The following CNDP1 variants were observed in gnomAD, a reference collection of about 807,000 sequenced individuals.
CNDP1 encodes beta-Ala-His dipeptidase.
Under a neutral mutation model 58.1 loss-of-function variants are expected in CNDP1, and 44 were observed. That is an observed-to-expected ratio of 0.76 (90% CI 0.60 to 0.97). The LOEUF (loss-of-function observed/expected upper bound fraction) is 0.97, where lower values mean the gene tolerates loss of function less well. CNDP1 is among the 50% of genes least tolerant of loss of function. CNDP1 has a pLI of 0.00. For missense variants in CNDP1, 616 were observed against 655.1 expected, an observed-to-expected ratio of 0.94 and a Z score of 0.65; for synonymous variants, 254 against 252.6, an observed-to-expected ratio of 1.01 and a Z score of -0.05.
rs1981902012 is a variant in CNDP1, at chr18:74,585,941, C to A, written c.*1379C>A. 7.9e-6 allele frequency: 1 copy of A among 127,112 alleles called. No homozygotes were observed. Among genetic ancestry groups the A allele is most frequent in the African/African-American group, 3.0e-5 (1 of 32,934 alleles). 7.9% of individuals were successfully genotyped at this position (127,112 alleles called of 1,614,324 possible). A position where few individuals can be genotyped will look rare whatever the true frequency, so the allele number is the denominator to read the frequency against. ...CCCAGGAGGCGGAAGTTGCAGTGAACTGGGATCATGCCACTGCACTCCAGC... is the reference window on the plus strand; with the variant it reads ...CCCAGGAGGCGGAAGTTGCAGTGAAATGGGATCATGCCACTGCACTCCAGC... On this transcript the variant is annotated 3_prime_UTR_variant, in exon 12 of 12. Transcript: ENST00000358821.
intron 1 of CNDP1, among the ~76,000 whole-genome samples, chr18:74,549,613 A>G (rs1246534927): frequency 1.3e-5 from 2 of 152,190 alleles, no homozygotes; most frequent in Non-Finnish European, 2.9e-5. Flanking sequence ...CATTACCAGG[A>G]GAGGAATTTG....
At chr18:74,567,167 T>C in intron 5 of CNDP1, 66 bp from the exon 6 acceptor site, 2 of 1,274,834 alleles carry the variant, frequency 1.6e-6, no homozygotes, top group East Asian at 2.3e-5. Context: ...AAGTTGAGAT[T>C]TGGTGGGGAC....
At chr18:74,582,348 T>C (rs527475234) in intron 10 of CNDP1, among the ~76,000 whole-genome samples, 139 of 152,342 alleles carry the variant, frequency 9.1e-4, no homozygotes, top group African/African-American at 2.7e-3. Flanking sequence ...ACTCCATCAC[T>C]GGCAGCATGT....
At chr18:74,576,719 G>A (rs2144575415) in intron 7 of CNDP1, 150 bp from the exon 8 acceptor site, 1 of 550,154 alleles carries the variant, frequency 1.8e-6, no homozygotes, top group East Asian at 3.0e-5. Flanking sequence ...CTTCTTGGAT[G>A]GAGTTGCTGC....
intron 1 of CNDP1, among the ~76,000 whole-genome samples, chr18:74,550,817 G>A (rs1980886449): frequency 6.6e-6 from 1 of 151,640 alleles, no homozygotes; most frequent in South Asian, 2.1e-4. Flanking sequence ...AGCCAGGATG[G>A]TCTCGATCTC....
chr18:74,556,221 C>T, intron 1 of CNDP1, 117 bp from the exon 2 acceptor site: 1 of 1,127,734 alleles, frequency 8.9e-7, no homozygotes, highest in South Asian at 1.5e-5. Context: ...TTATTTTATT[C>T]CGACTGACTG....
intron 6 of CNDP1, among the ~76,000 whole-genome samples, chr18:74,568,037 C>T (rs1182757528): frequency 5.3e-5 from 8 of 152,210 alleles, no homozygotes; most frequent in South Asian, 2.1e-4. Flanking sequence ...TGAGGTTTGA[C>T]GCATAATCAG....
Position 74,577,326 on chromosome 18 carries a change from A to G in CNDP1, c.1002+297A>G, listed in dbSNP as rs148157220. On this transcript the variant is annotated intron_variant, in intron 8 of 11. Coordinates refer to ENST00000358821, the MANE Select transcript of CNDP1 (RefSeq NM_032649.6). ...TAACCTAAATCCCACGTCAGCCTTC[A>G]GCCAGTGAGCTGGACTTCTTACCTT... 249 of 219,090 alleles carry G rather than the reference A, an allele frequency of 1.1e-3. 1 individual carries two copies. The highest frequency in any genetic ancestry group is 5.5e-3 in the African/African-American group (240 of 43,988). The allele number at this position is 219,090 out of a possible 1,614,324, so 13.6% of individuals were successfully genotyped here.
chr18:74,563,209 C>CA (rs764144596), intron 5 of CNDP1, among the ~76,000 whole-genome samples: 3 of 152,158 alleles, frequency 2.0e-5, no homozygotes, highest in African/African-American at 4.8e-5. Context: ...TCCTGAGTCT[C>CA]ACAGAAGACA....
rs71168498 is a variant in CNDP1 at position 74,558,392 on chromosome 18, C to CTTTTTTTTTTTTTTT, written c.154-925_154-911dup. Among the ~76,000 whole-genome samples the CTTTTTTTTTTTTTTT allele has an allele frequency of 4.4e-4, 50 of 114,276 alleles. 2 individuals carry two copies. Among genetic ancestry groups the CTTTTTTTTTTTTTTT allele is most frequent in the Middle Eastern group, 5.0e-3 (1 of 200 alleles). The allele number at this position is 114,276 out of a possible 152,430, so 75.0% of individuals were successfully genotyped here. Reference sequence around the variant, plus strand: ...AGTTAGGGAGCATTACTTTCTTTTTCTTTTTTTTTTTTTTTTTTTTGAGAT... The same window carrying CTTTTTTTTTTTTTTT: ...AGTTAGGGAGCATTACTTTCTTTTTCTTTTTTTTTTTTTTTTTTTTTTTTTTTTTTTTTTTGAGAT... On this transcript the variant is annotated intron_variant, in intron 2 of 11. Coordinates refer to ENST00000358821, the MANE Select transcript of CNDP1 (RefSeq NM_032649.6).
At chr18:74,582,557 A>G (rs1981814690) in intron 10 of CNDP1, among the ~76,000 whole-genome samples, 1 of 152,228 alleles carries the variant, frequency 6.6e-6, no homozygotes. Flanking sequence ...CAATATAGGG[A>G]CATTGTCTTG....
At chr18:74,571,603 C>T (rs1050500864) in intron 7 of CNDP1, among the ~76,000 whole-genome samples, 4 of 152,128 alleles carry the variant, frequency 2.6e-5, no homozygotes, top group African/African-American at 9.7e-5. Flanking sequence ...CCTAGAATGC[C>T]GGGCCGGGTG....
At chr18:74,561,297 T>G (rs1029535665) in intron 4 of CNDP1, 3 of 278,370 alleles carry the variant, frequency 1.1e-5, no homozygotes, top group Non-Finnish European at 2.1e-5. Flanking sequence ...GCGCCTGTAA[T>G]CCCAGCTACT....
intron 10 of CNDP1, among the ~76,000 whole-genome samples, chr18:74,582,353 G>A (rs1311020300): frequency 6.6e-6 from 1 of 152,190 alleles, no homozygotes; most frequent in Non-Finnish European, 1.5e-5. Flanking sequence ...ATCACTGGCA[G>A]CATGTCCGGT....
intron 6 of CNDP1, among the ~76,000 whole-genome samples, chr18:74,568,964 G>T (rs1446314427): frequency 6.6e-6 from 1 of 152,098 alleles, no homozygotes; most frequent in South Asian, 2.1e-4. Context: ...GAGCACAGAG[G>T]GGCTGAGGTG....
intron 7 of CNDP1, among the ~76,000 whole-genome samples, chr18:74,571,845 G>A (rs1035634384): frequency 1.3e-5 from 2 of 152,156 alleles, no homozygotes; most frequent in African/African-American, 4.8e-5. Flanking sequence ...GGGTGTGGGT[G>A]ACCAGGTATG....
chr18:74,568,663 A>G (rs970967915), intron 6 of CNDP1, among the ~76,000 whole-genome samples: 10 of 152,188 alleles, frequency 6.6e-5, no homozygotes, highest in African/African-American at 2.4e-4. Context: ...GAGAGCTCCA[A>G]GTCCTAGAGC....
At chr18:74,578,715 G>A (rs1488141273) in intron 9 of CNDP1, among the ~76,000 whole-genome samples, 3 of 152,176 alleles carry the variant, frequency 2.0e-5, no homozygotes, top group Non-Finnish European at 4.4e-5. Context: ...AAACTAGTGT[G>A]CTAGGAAAAT....
intron 5 of CNDP1, among the ~76,000 whole-genome samples, chr18:74,563,017 G>C (rs911678746): frequency 6.6e-6 from 1 of 152,186 alleles, no homozygotes; most frequent in Admixed American, 6.5e-5. Flanking sequence ...CCCTGTCCAA[G>C]GCTGCAAGGC....
Sources: gnomAD v4.1 joint callset for allele counts (sites outside exome capture counted in the v4.1 genomes callset) on GRCh38, gnomAD v4.1.1 for gene constraint, MANE v1.5 for transcripts, NCBI Gene and HGNC (gene_info 2026-07-23, HGNC 2026-07-21) for gene names.